The following CD86 variants were observed in gnomAD, a reference collection of about 807,000 sequenced individuals.
CD86 encodes CD86 molecule.
A neutral mutation model predicts 32.1 loss-of-function variants in CD86; 11 were observed. The observed-to-expected ratio is 0.34, with a 90% CI of 0.22 to 0.57. CD86 has a LOEUF of 0.57. Among genes scored for constraint, CD86 ranks in the 20% least tolerant of loss-of-function variants. CD86 has a pLI of 0.86. For missense variants in CD86, 359 were observed against 398.4 expected, an observed-to-expected ratio of 0.90 and a Z score of 0.84; for synonymous variants, 137 against 135.3, an observed-to-expected ratio of 1.01 and a Z score of -0.09.
chr3:122,106,606 AT>A, intron 4 of CD86, 106 bp downstream of exon 4: 1 of 975,628 alleles, frequency 1.0e-6, no homozygotes, highest in Non-Finnish European at 1.5e-6. Context: ...CAACTGGGCC[AT>A]TTTATGACGC....
intron 1 of CD86, among the ~76,000 whole-genome samples, chr3:122,085,237 A>G (rs1390795075): frequency 6.6e-6 from 1 of 152,204 alleles, no homozygotes; most frequent in Non-Finnish European, 1.5e-5. Context: ...CGTATATCAT[A>G]AGATACTCTG....
At chr3:122,098,875 T>A (rs1267556819) in intron 2 of CD86, among the ~76,000 whole-genome samples, 1 of 152,168 alleles carries the variant, frequency 6.6e-6, no homozygotes, top group African/African-American at 2.4e-5. Flanking sequence ...AAGAGGGTTG[T>A]CTGGTCATTC....
intron 1 of CD86, among the ~76,000 whole-genome samples, chr3:122,058,937 T>C (rs1275029532): frequency 6.6e-6 from 1 of 151,902 alleles, no homozygotes; most frequent in Non-Finnish European, 1.5e-5. Flanking sequence ...TTGACAGAAT[T>C]TGGTTTTTGA....
chr3:122,081,799 G>C (rs775136922), intron 1 of CD86, among the ~76,000 whole-genome samples: 2 of 152,136 alleles, frequency 1.3e-5, no homozygotes, highest in Non-Finnish European at 2.9e-5. Flanking sequence ...GACCAAGTCT[G>C]ACTCACCTGT....
intron 1 of CD86, among the ~76,000 whole-genome samples, chr3:122,062,912 T>C (rs2072359101): frequency 6.6e-6 from 1 of 152,218 alleles, no homozygotes; most frequent in Admixed American, 6.5e-5. Flanking sequence ...CTGCCTTTTC[T>C]GATTGATTTC....
intron 1 of CD86, among the ~76,000 whole-genome samples, chr3:122,064,181 A>G (rs2072380595): frequency 6.6e-6 from 1 of 152,130 alleles, no homozygotes; most frequent in Non-Finnish European, 1.5e-5. Context: ...ACAAAGCAGG[A>G]CAACGAAGGG....
intron 1 of CD86, among the ~76,000 whole-genome samples, chr3:122,056,403 C>T (rs2072237224): frequency 6.6e-6 from 1 of 152,204 alleles, no homozygotes; most frequent in African/African-American, 2.4e-5. Flanking sequence ...GGCGCAATCT[C>T]AGCTCACTGC....
chr3:122,103,380 C>A (rs1023807030), intron 2 of CD86, 132 bp from the exon 3 acceptor site: 21 of 657,790 alleles, frequency 3.2e-5, no homozygotes, highest in Non-Finnish European at 4.7e-5. Context: ...GTGCACAGTT[C>A]CAGAGCTTAA....
intron 1 of CD86, among the ~76,000 whole-genome samples, chr3:122,079,188 C>T (rs2072595980): frequency 6.6e-6 from 1 of 152,110 alleles, no homozygotes; most frequent in Non-Finnish European, 1.5e-5. Context: ...GGAAATTGTT[C>T]TATGTGACTA....
chr3:122,083,805 A>G (rs2107519387), intron 1 of CD86, among the ~76,000 whole-genome samples: 1 of 152,338 alleles, frequency 6.6e-6, no homozygotes, highest in African/African-American at 2.4e-5. Context: ...TGGTGCCACC[A>G]AAAAATTTAA....
At position 122,091,764 on chromosome 3, in the gene CD86, T is replaced by C; in HGVS notation, c.64+114T>C. On this transcript the variant is annotated intron_variant, in intron 2 of 6. Transcript: ENST00000330540. ...GGTTTTACTCACTTTCTACTGAGCA[T>C]TGTACAAGACCACATGCAAAAAAGA... 11 of 842,274 alleles carry C rather than the reference T, an allele frequency of 1.3e-5. No individual in the cohort carries two copies. The South Asian group carries it at 1.4e-4, about 11-fold the overall frequency. The allele number at this position is 842,274 out of a possible 1,614,324, so 52.2% of individuals were successfully genotyped here. A position where few individuals can be genotyped will look rare whatever the true frequency, so the allele number is the denominator to read the frequency against.
chr3:122,065,639 G>T (rs2072402123), intron 1 of CD86, among the ~76,000 whole-genome samples: 1 of 152,160 alleles, frequency 6.6e-6, no homozygotes, highest in Non-Finnish European at 1.5e-5. Context: ...GGATGCTGCA[G>T]ATGCTTGAAT....
chr3:122,095,459 A>ACAGG (rs2072892865), intron 2 of CD86, among the ~76,000 whole-genome samples: 1 of 152,092 alleles, frequency 6.6e-6, no homozygotes, highest in Non-Finnish European at 1.5e-5. Flanking sequence ...GGGATTACAG[A>ACAGG]CAGGCATGAG....
At chr3:122,070,562 C>T (rs565456404) in intron 1 of CD86, among the ~76,000 whole-genome samples, 3 of 152,196 alleles carry the variant, frequency 2.0e-5, no homozygotes, top group South Asian at 4.2e-4. Context: ...TTGTATCGCC[C>T]CTCAAAGAAA....
chr3:122,085,935 G>A (rs1049540791), intron 1 of CD86, among the ~76,000 whole-genome samples: 3 of 152,184 alleles, frequency 2.0e-5, no homozygotes, highest in African/African-American at 7.2e-5. Context: ...CCTGAGTGCT[G>A]CTGGGCTGAG....
At chr3:122,116,486 T>C (rs1288723995) in intron 5 of CD86, among the ~76,000 whole-genome samples, 1 of 152,104 alleles carries the variant, frequency 6.6e-6, no homozygotes. Flanking sequence ...CTGATAAACA[T>C]CAAGTGTTGG....
intron 1 of CD86, among the ~76,000 whole-genome samples, chr3:122,089,377 C>T (rs2072776672): frequency 6.6e-6 from 1 of 152,218 alleles, no homozygotes. Flanking sequence ...TCTAATTTCA[C>T]CGTTTCCTAT....
chr3:122,100,497 A>G (rs2072981658), intron 2 of CD86, among the ~76,000 whole-genome samples: 1 of 149,182 alleles, frequency 6.7e-6, no homozygotes, highest in Non-Finnish European at 1.5e-5. Context: ...GAGGAAGTTT[A>G]GTAAAAGAAG....
chr3:122,068,155 G>A (rs951029049), intron 1 of CD86, among the ~76,000 whole-genome samples: 1 of 152,002 alleles, frequency 6.6e-6, no homozygotes, highest in Admixed American at 6.6e-5. Context: ...AACAAGTTTA[G>A]TCATATTGCC....
Sources: allele counts gnomAD v4.1 joint callset (sites outside exome capture counted in the v4.1 genomes callset), GRCh38; gene constraint gnomAD v4.1.1; transcripts MANE v1.5; gene names NCBI Gene and HGNC (gene_info 2026-07-23, HGNC 2026-07-21).